CEP170: variants seen among roughly 807,000 people sequenced by gnomAD.
CEP170 encodes centrosomal protein of 170 kDa.
In CEP170, 21 loss-of-function variants were observed where a neutral mutation model predicts 151.9. That is an observed-to-expected ratio of 0.14 (90% confidence interval 0.10 to 0.20). The LOEUF (loss-of-function observed/expected upper bound fraction) is 0.20. Ranked by LOEUF, CEP170 falls within the 10% of genes least tolerant of loss-of-function variation. The pLI, the probability that CEP170 is intolerant of heterozygous loss-of-function variation, is 1.00. For missense variants in CEP170, 964 were observed against 1,892.9 expected (o/e 0.51, Z 9.11); for synonymous variants, 356 against 648.8 (o/e 0.55, Z 6.86).
At chr1:243,184,805 T>C (rs993953297) in intron 10 of CEP170, among the ~76,000 whole-genome samples, 8 of 151,946 alleles carry the variant, frequency 5.3e-5, no homozygotes, top group Non-Finnish European at 8.8e-5. Context: ...CAAATGTTAA[T>C]GTGCACATTA....
intron 18 of CEP170, 182 bp from the exon 19 acceptor site, chr1:243,128,482 A>T (rs2053972016): frequency 1.9e-6 from 1 of 537,094 alleles, no homozygotes; most frequent in East Asian, 3.6e-5. Context: ...TCAAATTAAA[A>T]TATTTAAACT....
intron 10 of CEP170, among the ~76,000 whole-genome samples, chr1:243,176,139 TTC>T (rs2059236317): frequency 6.6e-6 from 1 of 152,140 alleles, no homozygotes; most frequent in South Asian, 2.1e-4. Context: ...AGGCTCATGA[TTC>T]TCTTCTCTGG....
At chr1:243,178,512 G>C (rs1410820741) in intron 10 of CEP170, among the ~76,000 whole-genome samples, 1 of 152,012 alleles carries the variant, frequency 6.6e-6, no homozygotes, top group African/African-American at 2.4e-5. Flanking sequence ...GGCTGGGAGA[G>C]GAAGGAATGG....
At chr1:243,146,732 A>G (rs2056538396) in intron 14 of CEP170, among the ~76,000 whole-genome samples, 1 of 152,166 alleles carries the variant, frequency 6.6e-6, no homozygotes, top group African/African-American at 2.4e-5. Flanking sequence ...CTCATTGCTT[A>G]TACAATGCAG....
chr1:243,129,519 T>C (rs1289223400), intron 17 of CEP170, 66 bp from the exon 18 acceptor site: 2 of 1,070,818 alleles, frequency 1.9e-6, no homozygotes, highest in East Asian at 5.5e-5. Flanking sequence ...TTTTTGTTAA[T>C]AATACCAAAG....
intron 11 of CEP170, among the ~76,000 whole-genome samples, chr1:243,172,091 A>T (rs952299391): frequency 1.7e-4 from 26 of 152,202 alleles, no homozygotes; most frequent in Non-Finnish European, 3.1e-4. Flanking sequence ...AAGTATAAGC[A>T]GGATATGTTT....
At chr1:243,177,225 G>A (rs1278597820) in intron 10 of CEP170, among the ~76,000 whole-genome samples, 2 of 152,212 alleles carry the variant, frequency 1.3e-5, no homozygotes, top group African/African-American at 2.4e-5. Context: ...GAGAAGCGCC[G>A]TGGGGTAAGA....
chr1:243,199,185 G>A lies in CEP170; in HGVS notation c.506C>T (p.Ala169Val). ...KSEEKAMDISAMPRGTPLYGQ... is the reference protein window; with the variant it reads ...KSEEKAMDISVMPRGTPLYGQ... Reference sequence around the variant, plus strand: ...ATATAATGGAGTACCACGGGGCATAGCAGAAATATCTGGAAAGAGGTGGGA... The same window carrying A: ...ATATAATGGAGTACCACGGGGCATAACAGAAATATCTGGAAAGAGGTGGGA... Residue 169 changes from alanine (A) to valine (V), a missense_variant, in exon 7 of 20, where the codon GCT becomes GTT. Ala to Val is a moderately conservative substitution (Grantham distance 64, BLOSUM62 0). Transcript: ENST00000366542. 1 of 1,609,874 alleles carries A rather than the reference G, an allele frequency of 6.2e-7. No homozygotes were observed. The highest frequency in any genetic ancestry group is 1.3e-5 in the African/African-American group (1 of 74,870).
intron 1 of CEP170, 89 bp from the exon 2 acceptor site, chr1:243,225,410 C>A: frequency 1.9e-6 from 1 of 521,758 alleles, no homozygotes; most frequent in Non-Finnish European, 3.4e-6. Context: ...AAGAATAGAA[C>A]TGCGTTCATC....
chr1:243,136,595 T>A (rs1037312115), intron 16 of CEP170, among the ~76,000 whole-genome samples: 7 of 152,258 alleles, frequency 4.6e-5, no homozygotes, highest in African/African-American at 1.7e-4. Flanking sequence ...AGTACTAAAT[T>A]TATTATTTAT....
intron 14 of CEP170, among the ~76,000 whole-genome samples, chr1:243,150,435 C>A (rs1205484622): frequency 4.6e-5 from 7 of 152,190 alleles, no homozygotes; most frequent in Non-Finnish European, 1.0e-4. Flanking sequence ...CAGGCGTGAG[C>A]CACCCCGCCC....
chr1:243,147,415 T>C (rs1204440919), intron 14 of CEP170, among the ~76,000 whole-genome samples: 3 of 152,246 alleles, frequency 2.0e-5, no homozygotes, highest in African/African-American at 7.2e-5. Flanking sequence ...AAGCCACATC[T>C]CATCTTCAGT....
intron 17 of CEP170, among the ~76,000 whole-genome samples, chr1:243,133,591 A>AT (rs558600671): frequency 0.01 from 1,594 of 152,236 alleles, 11 homozygotes; most frequent in African/African-American, 0.036. Context: ...TTGTTTATTC[A>AT]TGTGTAAAAA....
chr1:243,198,858 T>A (rs1320036768), intron 7 of CEP170, among the ~76,000 whole-genome samples: 1 of 151,442 alleles, frequency 6.6e-6, no homozygotes, highest in Non-Finnish European at 1.5e-5. Flanking sequence ...ATAAAGATAT[T>A]AAAATTAATA....
intron 13 of CEP170, among the ~76,000 whole-genome samples, chr1:243,159,801 G>GTGTT (rs1170946413): frequency 6.6e-6 from 1 of 150,850 alleles, no homozygotes; most frequent in African/African-American, 2.4e-5. Context: ...GTGTGTGTGT[G>GTGTT]TTTTTGAGAT....
chr1:243,180,131 A>G (rs1558519242), intron 10 of CEP170, among the ~76,000 whole-genome samples: 1 of 152,250 alleles, frequency 6.6e-6, no homozygotes. Context: ...CACAATAAAA[A>G]GATGGAAGGA....
chr1:243,136,728 G>C (rs191333965), intron 16 of CEP170, among the ~76,000 whole-genome samples: 1 of 149,836 alleles, frequency 6.7e-6, no homozygotes, highest in East Asian at 2.0e-4. Flanking sequence ...TTTTATACTG[G>C]GTGTTGGTAT....
chr1:243,136,613 C>T (rs2055111990), intron 16 of CEP170, among the ~76,000 whole-genome samples: 1 of 152,186 alleles, frequency 6.6e-6, no homozygotes, highest in Admixed American at 6.5e-5. Context: ...TATTCTTTCA[C>T]CAAGTAATGT....
upstream of CEP170, among the ~76,000 whole-genome samples, chr1:243,255,523 G>A (rs1453832167): frequency 1.3e-5 from 2 of 152,250 alleles, no homozygotes; most frequent in African/African-American, 4.8e-5. Flanking sequence ...AACTCCAAGT[G>A]AAGGTCCGGT....
Sources: gnomAD v4.1 joint callset for allele counts (sites outside exome capture counted in the v4.1 genomes callset) on GRCh38, gnomAD v4.1.1 for gene constraint, MANE v1.5 for transcripts, NCBI Gene and HGNC (gene_info 2026-07-23, HGNC 2026-07-21) for gene names.